Variants in UBAP2 observed in about 807,000 individuals in gnomAD.
UBAP2 encodes the protein ubiquitin associated protein 2, also known as ubiquitin-associated protein 2.
In UBAP2, 75 loss-of-function variants were observed where a neutral mutation model predicts 139.6. The observed-to-expected ratio is 0.54, with a 90% CI of 0.45 to 0.65. UBAP2 has a LOEUF of 0.65. Among genes scored for constraint, UBAP2 ranks in the 30% least tolerant of loss-of-function variants. The probability of loss-of-function intolerance (pLI) is 0.00; values close to 1 mark genes in which losing one functional copy is unlikely to be tolerated. For synonymous variants in UBAP2, 526 were observed against 526.2 expected (o/e 1.00, Z 0.01); for missense variants, 1,368 against 1,369.6 (o/e 1.00, Z 0.02).
chr9:34,048,451 G>T (rs982313706), intron 1 of UBAP2, among the ~76,000 whole-genome samples: 5 of 152,206 alleles, frequency 3.3e-5, no homozygotes, highest in Admixed American at 2.0e-4. Context: ...AGATGGGACC[G>T]ACAGCGTGGC....
At chr9:33,927,103 T>G in intron 20 of UBAP2, 23 bp from the exon 21 acceptor site, 1 of 1,563,226 alleles carries the variant, frequency 6.4e-7, no homozygotes, top group Non-Finnish European at 8.7e-7. Context: ...AAAAATCAAA[T>G]GGAGTGAAAT....
intron 17 of UBAP2, chr9:33,935,288 T>C (rs1419300440): frequency 6.6e-6 from 1 of 152,668 alleles, no homozygotes; most frequent in Non-Finnish European, 1.5e-5. Flanking sequence ...TAGTAAATTT[T>C]TGATTTAGAA....
chr9:34,048,672 G>T (rs1335699088), intron 1 of UBAP2, among the ~76,000 whole-genome samples, 153 bp downstream of exon 1: 1 of 152,216 alleles, frequency 6.6e-6, no homozygotes, highest in Non-Finnish European at 1.5e-5. Flanking sequence ...CCGTGGACCT[G>T]GCGAGTGAAG....
chr9:34,012,712 T>C (rs867716394), intron 2 of UBAP2, among the ~76,000 whole-genome samples: 10 of 152,016 alleles, frequency 6.6e-5, no homozygotes, highest in Admixed American at 2.0e-4. Context: ...GGGAATAAAC[T>C]GTAGGGAAAG....
At chr9:34,041,464 C>CAAAA (rs1226126055) in intron 1 of UBAP2, among the ~76,000 whole-genome samples, 4 of 82,516 alleles carry the variant, frequency 4.8e-5, no homozygotes, top group African/African-American at 1.4e-4. Context: ...AACTCCATCT[C>CAAAA]AAAAAAAAAA....
At chr9:33,939,206 T>TTTTTTTTTTTTC (rs575154458) in intron 16 of UBAP2, among the ~76,000 whole-genome samples, 28 of 138,320 alleles carry the variant, frequency 2.0e-4, no homozygotes, top group Non-Finnish European at 3.6e-4. Context: ...TTTTTTTTTT[T>TTTTTTTTTTTTC]TTTTTGAGAT....
chr9:34,010,253 G>A (rs535691415), intron 2 of UBAP2, among the ~76,000 whole-genome samples: 165 of 149,670 alleles, frequency 1.1e-3, no homozygotes, highest in African/African-American at 3.9e-3. Flanking sequence ...GTGAAACCCC[G>A]TCTCAACTAA....
Position 33,923,811 on chromosome 9 carries a change from T to C in UBAP2, c.2780A>G (p.Tyr927Cys), listed in dbSNP as rs1255917430. The change falls in exon 24 of 29, where the codon TAT becomes TGT. Residue 927 changes from tyrosine (Y) to cysteine (C), a missense_variant. Transcript: ENST00000379238. ...AATACTCACAAACATGGTGGGGCCA[T>C]ACTGGAAGGCACTGGGCATGCCTGT... ...YYTGMPSAFQ[Y>C]GPTMFVPPAS... 6.8e-6 allele frequency: 11 copies of C among 1,614,018 alleles called. No homozygotes were observed. The highest frequency in any genetic ancestry group is 1.3e-5 in the African/African-American group (1 of 74,904).
intron 2 of UBAP2, among the ~76,000 whole-genome samples, chr9:34,004,898 T>C (rs951649556): frequency 4.0e-5 from 6 of 151,490 alleles, no homozygotes; most frequent in African/African-American, 1.5e-4. Context: ...CTGGGCAACA[T>C]AGTGAGACCC....
intron 1 of UBAP2, among the ~76,000 whole-genome samples, chr9:34,029,774 G>A (rs1241521494): frequency 6.6e-6 from 1 of 151,816 alleles, no homozygotes; most frequent in Non-Finnish European, 1.5e-5. Flanking sequence ...TGGATCATGA[G>A]ATCAGGAGTT....
At chr9:34,035,894 CTCT>C (rs1266097551) in intron 1 of UBAP2, among the ~76,000 whole-genome samples, 1 of 79,242 alleles carries the variant, frequency 1.3e-5, no homozygotes, top group Non-Finnish European at 3.1e-5. Flanking sequence ...TGCACATTCT[CTCT>C]TTTTTTTTTT....
chr9:33,996,585 TCAG>T (rs1822222995), intron 3 of UBAP2: 1 of 430,752 alleles, frequency 2.3e-6, no homozygotes, highest in South Asian at 3.3e-5. Flanking sequence ...AGATCATTAA[TCAG>T]CAGCACACAC....
chr9:34,002,624 C>T (rs1207256449), intron 2 of UBAP2, among the ~76,000 whole-genome samples: 1 of 152,094 alleles, frequency 6.6e-6, no homozygotes. Flanking sequence ...GATCCGCCCA[C>T]CTCGGCCTCC....
At chr9:34,003,904 G>A (rs944104047) in intron 2 of UBAP2, among the ~76,000 whole-genome samples, 1 of 150,584 alleles carries the variant, frequency 6.6e-6, no homozygotes, top group African/African-American at 2.5e-5. Context: ...ATTTTTAGTA[G>A]AGACAGGGTT....
intron 6 of UBAP2, among the ~76,000 whole-genome samples, chr9:33,982,173 C>G (rs1052542886): frequency 6.6e-6 from 1 of 152,116 alleles, no homozygotes; most frequent in Non-Finnish European, 1.5e-5. Context: ...GCCAGCAGCC[C>G]CTCTTTCACC....
chr9:34,003,322 T>C (rs1822886467), intron 2 of UBAP2, among the ~76,000 whole-genome samples: 2 of 150,634 alleles, frequency 1.3e-5, no homozygotes, highest in East Asian at 3.9e-4. Context: ...TGCACCACTG[T>C]GGCAGGCTGA....
At chr9:34,000,769 C>T (rs945348185) in intron 2 of UBAP2, among the ~76,000 whole-genome samples, 3 of 152,160 alleles carry the variant, frequency 2.0e-5, no homozygotes, top group East Asian at 1.9e-4. Flanking sequence ...CATTTTAAAG[C>T]ACTTTTCAAA....
intron 4 of UBAP2, chr9:33,995,472 T>TATAAATATATTTATATTATTAA (rs1822098228): frequency 7.2e-6 from 1 of 138,422 alleles, no homozygotes; most frequent in African/African-American, 2.7e-5. Context: ...ATATTAAATA[T>TATAAATATATTTATATTATTAA]ATAAATATAT....
At chr9:33,989,288 GCCT>G (rs988894113) in intron 4 of UBAP2, among the ~76,000 whole-genome samples, 162 bp from the exon 5 acceptor site, 29 of 148,690 alleles carry the variant, frequency 2.0e-4, no homozygotes, top group African/African-American at 7.2e-4. Flanking sequence ...TGCAAGCTCC[GCCT>G]CCCAGGTTCA....
Sources: gnomAD v4.1 joint callset for allele counts (sites outside exome capture counted in the v4.1 genomes callset) on GRCh38, gnomAD v4.1.1 for gene constraint, MANE v1.5 for transcripts, NCBI Gene and HGNC (gene_info 2026-07-23, HGNC 2026-07-21) for gene names.